LRRIQ4: variants seen among roughly 807,000 people sequenced by gnomAD.
The protein encoded by LRRIQ4 is leucine-rich repeat and IQ domain-containing protein 4.
A neutral mutation model predicts 40.1 loss-of-function variants in LRRIQ4; 21 were observed. That is an observed-to-expected ratio of 0.52 (90% CI 0.37 to 0.75). The LOEUF (loss-of-function observed/expected upper bound fraction) is 0.75. Ranked by LOEUF, LRRIQ4 falls within the 30% of genes least tolerant of loss-of-function variation. The probability of loss-of-function intolerance (pLI) is 0.00; values close to 1 mark genes in which losing one functional copy is unlikely to be tolerated. For missense variants in LRRIQ4, 655 were observed against 660.0 expected (o/e 0.99, Z 0.08); for synonymous variants, 277 against 277.1 (o/e 1.00, Z 0.00).
At chr3:169,826,458 T>C (rs1000643104) in intron 2 of LRRIQ4, among the ~76,000 whole-genome samples, 1 of 151,996 alleles carries the variant, frequency 6.6e-6, no homozygotes. Flanking sequence ...AAAATGGCTA[T>C]ATGTCAGTTA....
intron 2 of LRRIQ4, among the ~76,000 whole-genome samples, chr3:169,828,194 T>C (rs1170579138): frequency 6.6e-6 from 1 of 152,192 alleles, no homozygotes; most frequent in African/African-American, 2.4e-5. Context: ...GTTGCCACAC[T>C]ACAGTCCATA....
At chr3:169,834,095 C>T (rs1051790599) in intron 5 of LRRIQ4, among the ~76,000 whole-genome samples, 6 of 152,234 alleles carry the variant, frequency 3.9e-5, no homozygotes, top group Admixed American at 3.3e-4. Context: ...GGCGCGGTGG[C>T]TCTCGCCTGT....
chr3:169,826,182 A>G (rs1352734126), intron 2 of LRRIQ4, among the ~76,000 whole-genome samples: 1 of 152,190 alleles, frequency 6.6e-6, no homozygotes, highest in East Asian at 1.9e-4. Flanking sequence ...AACTGAGGTC[A>G]GGAGTTTGAG....
At chr3:169,825,922 A>G (rs1449083073) in intron 2 of LRRIQ4, among the ~76,000 whole-genome samples, 3 of 152,082 alleles carry the variant, frequency 2.0e-5, no homozygotes, top group African/African-American at 7.2e-5. Flanking sequence ...TCTCTCCTCA[A>G]TGAAACATGG....
chr3:169,824,293 G>A (rs1468785637), intron 2 of LRRIQ4, among the ~76,000 whole-genome samples: 1 of 152,032 alleles, frequency 6.6e-6, no homozygotes, highest in Non-Finnish European at 1.5e-5. Flanking sequence ...AAGGAGGGAG[G>A]ATCACTAGAG....
intron 2 of LRRIQ4, among the ~76,000 whole-genome samples, 194 bp from the exon 3 acceptor site, chr3:169,828,565 T>C (rs986449995): frequency 6.6e-6 from 1 of 152,170 alleles, no homozygotes; most frequent in Non-Finnish European, 1.5e-5. Flanking sequence ...AAGTGGTGCA[T>C]AAAAGTGAAA....
At chr3:169,823,767 C>T (rs77613600) in intron 2 of LRRIQ4, among the ~76,000 whole-genome samples, 2,394 of 152,290 alleles carry the variant, frequency 0.016, 69 homozygotes, top group African/African-American at 0.055. Flanking sequence ...CAAAACCAGA[C>T]TTGTCCCAAC....
intron 1 of LRRIQ4, among the ~76,000 whole-genome samples, chr3:169,818,415 A>G (rs184468309): frequency 2.9e-3 from 436 of 152,154 alleles, no homozygotes; most frequent in African/African-American, 0.01. Context: ...GTTGGAGGGG[A>G]TGATTGCTAG....
At chr3:169,823,339 TC>T (rs760537519) in intron 2 of LRRIQ4, among the ~76,000 whole-genome samples, 1 of 148,500 alleles carries the variant, frequency 6.7e-6, no homozygotes, top group Non-Finnish European at 1.5e-5. Flanking sequence ...GGGTCTACAT[TC>T]TTTTTTTTTT....
chr3:169,824,286 G>A (rs948429734), intron 2 of LRRIQ4, among the ~76,000 whole-genome samples: 1 of 152,076 alleles, frequency 6.6e-6, no homozygotes, highest in Non-Finnish European at 1.5e-5. Flanking sequence ...GGGGGCCAAG[G>A]AGGGAGGATC....
intron 1 of LRRIQ4, among the ~76,000 whole-genome samples, 117 bp downstream of exon 1, chr3:169,813,163 G>A (rs1028958524): frequency 2.0e-5 from 3 of 152,218 alleles, no homozygotes; most frequent in Admixed American, 2.0e-4. Flanking sequence ...GGCACAGAAT[G>A]CCAATCACTG....
chr3:169,818,213 T>G (rs1218440554), intron 1 of LRRIQ4, among the ~76,000 whole-genome samples: 1 of 152,154 alleles, frequency 6.6e-6, no homozygotes, highest in African/African-American at 2.4e-5. Context: ...ACTTATTCTC[T>G]CTCTGTGCCA....
chr3:169,830,497 C>T lies in LRRIQ4; in HGVS notation c.1200C>T (p.Leu400=), dbSNP rs764335726. The T allele has an allele frequency of 5.7e-5, 90 of 1,568,172 alleles. No individual in the cohort carries two copies. In the Middle Eastern group the frequency reaches 5.4e-3, roughly 94 times the overall value. The change falls in exon 4 of 6, where the codon CTC becomes CTT. Residue 400 remains leucine, a synonymous_variant. Transcript: ENST00000340806. The part of the protein sequence containing the change: ...VPEHIRKLQS[L]KELYIENNHL... ...GTACACTCATGTTATTTCAGAGTCT[C>T]AAAGAGCTATATATAGAGAACAATC... is the stretch of plus-strand genomic sequence containing the variant.
intron 2 of LRRIQ4, 122 bp from the exon 3 acceptor site, chr3:169,828,637 C>A: frequency 2.6e-6 from 2 of 769,156 alleles, no homozygotes; most frequent in Non-Finnish European, 4.2e-6. Context: ...AAATTTTTCA[C>A]TAGTAGGAGA....
At position 169,822,664 on chromosome 3, in the gene LRRIQ4, C is replaced by T. The variant is rs1270227411; in HGVS notation, c.743C>T (p.Ser248Phe). Residue 248 changes from serine (S) to phenylalanine (F), a missense_variant, in exon 2 of 6, where the codon TCC (serine) becomes TTC (phenylalanine). By Grantham distance (155) the Ser-to-Phe change is radical. Transcript: ENST00000340806. ...VLDLSHNLLH[S>F]IPKSFAELRK... is the part of the protein sequence containing the mutation. ...GATTTATCCCACAACCTCCTCCACT[C>T]CATCCCGAAGAGCTTCGCCGAGCTC... The T allele has an allele frequency of 6.2e-7, 1 of 1,613,878 alleles. No individual in the cohort carries two copies. The highest frequency in any genetic ancestry group is 1.7e-5 in the Admixed American group (1 of 60,012).
In LRRIQ4 at chr3:169,837,770, G is replaced by A; in HGVS notation, c.*139G>A. 1.3e-6 allele frequency: 1 copy of A among 745,074 alleles called. No homozygotes were observed. The highest frequency in any genetic ancestry group is 2.1e-6 in the Non-Finnish European group (1 of 483,036). The allele number at this position is 745,074 out of a possible 1,614,324, so 46.2% of individuals were successfully genotyped here. On this transcript the variant is annotated 3_prime_UTR_variant, in exon 6 of 6. Coordinates refer to ENST00000340806, the MANE Select transcript of LRRIQ4 (RefSeq NM_001080460.3). The stretch of plus-strand genomic sequence containing the variant: ...AAAATAAATGATTCTTACTTTTACT[G>A]AAATATTTATGGATAAAATGATATA...
intron 5 of LRRIQ4, among the ~76,000 whole-genome samples, chr3:169,834,936 A>G (rs952911665): frequency 6.6e-6 from 1 of 152,140 alleles, no homozygotes; most frequent in Non-Finnish European, 1.5e-5. Flanking sequence ...ATTATTAGAC[A>G]TATAGGATTT....
Position 169,822,640 on chromosome 3 carries a change from A to T in LRRIQ4, c.719A>T (p.Asp240Val). Reference sequence around the variant, plus strand: ...CAGTGTAGCCAACTGTCGGTGCTCGATTTATCCCACAACCTCCTCCACTCC... The same window carrying T: ...CAGTGTAGCCAACTGTCGGTGCTCGTTTTATCCCACAACCTCCTCCACTCC... ...LCQCSQLSVL[D>V]LSHNLLHSIP... Residue 240 changes from aspartate (D) to valine (V), a missense_variant, in exon 2 of 6, where the codon GAT becomes GTT. Asp to Val is a radical substitution (Grantham distance 152). Transcript: ENST00000340806. 1 of 1,613,898 alleles carries T rather than the reference A, an allele frequency of 6.2e-7. No individual in the cohort carries two copies. The highest frequency in any genetic ancestry group is 8.5e-7 in the Non-Finnish European group (1 of 1,179,874).
At chr3:169,837,378 C>A (rs1780329833) in intron 5 of LRRIQ4, 101 bp from the exon 6 acceptor site, 1 of 1,296,346 alleles carries the variant, frequency 7.7e-7, no homozygotes, top group South Asian at 1.5e-5. Flanking sequence ...ATCCCATTCT[C>A]TCCACGTCTT....
Sources: allele counts gnomAD v4.1 joint callset (sites outside exome capture counted in the v4.1 genomes callset), GRCh38; gene constraint gnomAD v4.1.1; transcripts MANE v1.5; gene names NCBI Gene and HGNC (gene_info 2026-07-23, HGNC 2026-07-21).